NBEA: variants seen among roughly 807,000 people sequenced by gnomAD.
NBEA encodes the protein lysosomal-trafficking regulator 2.
Under a neutral mutation model 343.4 loss-of-function variants are expected in NBEA, and 44 were observed. The observed-to-expected ratio is 0.13, with a 90% CI of 0.10 to 0.16. The LOEUF (loss-of-function observed/expected upper bound fraction) is 0.16, where lower values mean the gene tolerates loss of function less well. NBEA is among the 10% of genes least tolerant of loss of function. The pLI, the probability that NBEA is intolerant of heterozygous loss-of-function variation, is 1.00. For missense variants in NBEA, 2,555 were observed against 3,631.3 expected (o/e 0.70, Z 7.62); for synonymous variants, 1,175 against 1,238.7 (o/e 0.95, Z 1.08).
At chr13:35,558,715 T>C (rs1330959829) in intron 44 of NBEA, among the ~76,000 whole-genome samples, 1 of 152,176 alleles carries the variant, frequency 6.6e-6, no homozygotes, top group East Asian at 1.9e-4. Context: ...CAGCAAGCCC[T>C]CTAGTTGGTT....
rs142375759 is a variant in NBEA, at chr13:35,321,057, G to T, written c.5903+11465G>T. Among the ~76,000 whole-genome samples, 1,038 of 152,042 alleles carry T rather than the reference G, an allele frequency of 6.8e-3. 12 individuals carry two copies. The highest frequency in any genetic ancestry group is 0.024 in the African/African-American group (986 of 41,456). On this transcript the variant is annotated intron_variant, in intron 36 of 58. Transcript: ENST00000379939. ...TAGAAAATGCTGCTTTAGCTTGGAG[G>T]AGTTTGTTATTGCCCACCTTCTGAA... is the stretch of plus-strand genomic sequence containing the variant.
chr13:35,312,411 A>T (rs1311303855), intron 36 of NBEA, among the ~76,000 whole-genome samples: 1 of 152,218 alleles, frequency 6.6e-6, no homozygotes, highest in East Asian at 1.9e-4. Flanking sequence ...TAGCGGCAAG[A>T]GAATAGTGAG....
chr13:34,956,014 C>T (rs2152486985), intron 1 of NBEA, among the ~76,000 whole-genome samples: 1 of 152,244 alleles, frequency 6.6e-6, no homozygotes, highest in South Asian at 2.1e-4. Context: ...TCTATCAACT[C>T]TCCCTTTTAT....
chr13:35,026,217 A>G (rs576550921), intron 1 of NBEA, among the ~76,000 whole-genome samples: 3 of 152,198 alleles, frequency 2.0e-5, no homozygotes, highest in South Asian at 2.1e-4. Context: ...GCCTTCTGCC[A>G]TAAGTGTAAG....
chr13:35,111,671 G>C (rs1412599180), intron 13 of NBEA, among the ~76,000 whole-genome samples: 1 of 151,778 alleles, frequency 6.6e-6, no homozygotes, highest in Admixed American at 6.6e-5. Context: ...CGTTTCTAAA[G>C]TTTTGATTCT....
intron 38 of NBEA, among the ~76,000 whole-genome samples, chr13:35,358,451 T>C (rs1006422454): frequency 2.0e-5 from 3 of 151,884 alleles, no homozygotes; most frequent in Non-Finnish European, 4.4e-5. Flanking sequence ...GCAAGGTGGC[T>C]CAAACCTGTA....
intron 41 of NBEA, among the ~76,000 whole-genome samples, chr13:35,532,392 G>A (rs565368538): frequency 1.6e-4 from 25 of 151,768 alleles, no homozygotes; most frequent in South Asian, 1.3e-3. Flanking sequence ...AGAAAAAGGG[G>A]TATTTTTCCA....
intron 11 of NBEA, among the ~76,000 whole-genome samples, chr13:35,106,769 C>CT (rs879634123): frequency 6.2e-4 from 91 of 147,102 alleles, no homozygotes; most frequent in Non-Finnish European, 8.9e-4. Context: ...CCCCCTCCGC[C>CT]TTTTTTTTTT....
At chr13:34,988,299 A>G (rs1414491423) in intron 1 of NBEA, among the ~76,000 whole-genome samples, 1 of 150,972 alleles carries the variant, frequency 6.6e-6, no homozygotes, top group African/African-American at 2.4e-5. Context: ...CTCAAACACC[A>G]TGCTGGGAGA....
chr13:35,653,885 C>A (rs926152042), intron 53 of NBEA, among the ~76,000 whole-genome samples: 1 of 152,098 alleles, frequency 6.6e-6, no homozygotes, highest in African/African-American at 2.4e-5. Context: ...AGTAAAGGAC[C>A]AACTGTATAG....
Position 35,328,513 on chromosome 13 carries a change from G to A in NBEA, c.5903+18921G>A, listed in dbSNP as rs111715712. On this transcript the variant is annotated intron_variant, in intron 36 of 58. Transcript: ENST00000379939. Reference sequence around the variant, plus strand: ...CTAAAGGAGTATAATTGGATTGTTCGTAACATAAAGGATAAATGCTGGAGG... The same window carrying A: ...CTAAAGGAGTATAATTGGATTGTTCATAACATAAAGGATAAATGCTGGAGG... 6.5e-3 allele frequency among the ~76,000 whole-genome samples: 992 copies of A among 151,922 alleles called. 9 individuals carry two copies. Among genetic ancestry groups the A allele is most frequent in the African/African-American group, 0.023 (941 of 41,508 alleles).
At chr13:35,106,476 A>G (rs1393176366) in intron 11 of NBEA, among the ~76,000 whole-genome samples, 1 of 151,926 alleles carries the variant, frequency 6.6e-6, no homozygotes, top group East Asian at 1.9e-4. Flanking sequence ...TCAGGAGGAT[A>G]AAAGATGAAT....
intron 13 of NBEA, among the ~76,000 whole-genome samples, chr13:35,113,342 C>A (rs2066311420): frequency 6.6e-6 from 1 of 152,080 alleles, no homozygotes; most frequent in Non-Finnish European, 1.5e-5. Context: ...AAGGTATTAT[C>A]TTCCAGGTTT....
chr13:35,394,210 CTG>C (rs1354545298), intron 38 of NBEA, among the ~76,000 whole-genome samples: 1 of 152,176 alleles, frequency 6.6e-6, no homozygotes, highest in East Asian at 1.9e-4. Flanking sequence ...CAGCTGAACA[CTG>C]TACAGATCTG....
intron 46 of NBEA, among the ~76,000 whole-genome samples, chr13:35,587,802 G>A (rs1406794768): frequency 2.6e-5 from 4 of 151,918 alleles, no homozygotes; most frequent in African/African-American, 4.8e-5. Context: ...TTATTCCAGC[G>A]AAATGGAATT....
At chr13:35,039,030 C>T (rs867521434) in intron 1 of NBEA, among the ~76,000 whole-genome samples, 11 of 152,172 alleles carry the variant, frequency 7.2e-5, no homozygotes, top group Admixed American at 1.3e-4. Context: ...TTTTCAGGCA[C>T]TCAGGTTTGG....
chr13:35,499,751 A>G (rs999883038), intron 41 of NBEA, among the ~76,000 whole-genome samples: 1 of 152,026 alleles, frequency 6.6e-6, no homozygotes, highest in Non-Finnish European at 1.5e-5. Context: ...AGGACTCCTA[A>G]GTTTCTCCCC....
At chr13:35,467,282 G>C (rs2075423946) in intron 40 of NBEA, among the ~76,000 whole-genome samples, 1 of 152,078 alleles carries the variant, frequency 6.6e-6, no homozygotes, top group African/African-American at 2.4e-5. Flanking sequence ...GACCAGCCTG[G>C]CCAACATGGT....
At chr13:35,252,411 T>C (rs2032089875) in intron 34 of NBEA, among the ~76,000 whole-genome samples, 1 of 152,154 alleles carries the variant, frequency 6.6e-6, no homozygotes, top group African/African-American at 2.4e-5. Context: ...ACACAAAGCC[T>C]AACCATATCA....
Sources: gnomAD v4.1 joint callset for allele counts (sites outside exome capture counted in the v4.1 genomes callset) on GRCh38, gnomAD v4.1.1 for gene constraint, MANE v1.5 for transcripts, NCBI Gene and HGNC (gene_info 2026-07-23, HGNC 2026-07-21) for gene names.